The following FOCAD variants were observed in gnomAD, a reference collection of about 807,000 sequenced individuals.
FOCAD encodes focadhesin, also known as KIAA1797.
Under a neutral mutation model 225.6 loss-of-function variants are expected in FOCAD, and 198 were observed. The ratio of observed to expected loss-of-function variants is 0.88; its 90% CI spans 0.78 to 0.99. The LOEUF (loss-of-function observed/expected upper bound fraction) is 0.99. Among genes scored for constraint, FOCAD ranks in the 50% least tolerant of loss-of-function variants. The pLI is 0.00. For missense variants in FOCAD, 2,713 were observed against 2,123.6 expected, an observed-to-expected ratio of 1.28 and a Z score of -5.46; for synonymous variants, 897 against 755.0, an observed-to-expected ratio of 1.19 and a Z score of -3.08.
At position 20,978,339 on chromosome 9, in the gene FOCAD, G is replaced by A. The variant is rs1464809420; in HGVS notation, c.4262G>A (p.Gly1421Asp). ...ATTCTTTTCCTTTCTTGACTTTCAGGTGAAGAGATCCAGCAACTGTGCCTT... is the reference window on the plus strand; with the variant it reads ...ATTCTTTTCCTTTCTTGACTTTCAGATGAAGAGATCCAGCAACTGTGCCTT... The part of the protein sequence containing the change: ...LLSPLMRLNF[G>D]EEIQQLCLEI... The change falls in exon 37 of 44, where the codon GGT (glycine) becomes GAT (aspartate). Residue 1421 changes from glycine (G) to aspartate (D), a missense_variant and splice_region_variant. Coordinates refer to ENST00000338382, the MANE Select transcript of FOCAD (RefSeq NM_001375567.1). The A allele has an allele frequency of 6.3e-6, 10 of 1,592,330 alleles. No homozygotes were observed. Among genetic ancestry groups the A allele is most frequent in the Non-Finnish European group, 8.6e-6 (10 of 1,166,672 alleles).
At chr9:20,877,967 A>G (rs1830367527) in intron 19 of FOCAD, among the ~76,000 whole-genome samples, 1 of 152,202 alleles carries the variant, frequency 6.6e-6, no homozygotes, top group African/African-American at 2.4e-5. Context: ...AGTCACTCAA[A>G]GAATTGAGAT....
At chr9:20,718,923 T>G (rs1220845950) in intron 3 of FOCAD, among the ~76,000 whole-genome samples, 1 of 152,214 alleles carries the variant, frequency 6.6e-6, no homozygotes, top group East Asian at 1.9e-4. Flanking sequence ...TCAGTACAGC[T>G]GAACACAATG....
Position 20,672,800 on chromosome 9 carries a change from T to C in FOCAD, c.-78+13974T>C, listed in dbSNP as rs533771197. ...ACCAAAGAACCACAGGAAAAACTTA[T>C]GTTACTTAAAATATTATTGTTTAGC... On this transcript the variant is annotated intron_variant, in intron 2 of 45. Transcript: ENST00000380249. 1.3e-4 allele frequency among the ~76,000 whole-genome samples: 20 copies of C among 152,358 alleles called. No individual in the cohort carries two copies. In the South Asian group the frequency reaches 3.1e-3, roughly 24 times the overall value.
At chr9:20,769,331 T>C (rs1372909842) in intron 7 of FOCAD, among the ~76,000 whole-genome samples, 1 of 152,220 alleles carries the variant, frequency 6.6e-6, no homozygotes, top group African/African-American at 2.4e-5. Flanking sequence ...CATAGGCTCC[T>C]GATTGAAGCA....
chr9:20,718,656 A>T (rs1825535974), intron 3 of FOCAD, among the ~76,000 whole-genome samples: 1 of 152,174 alleles, frequency 6.6e-6, no homozygotes, highest in African/African-American at 2.4e-5. Flanking sequence ...TGGTGTTTGT[A>T]TGTAGTCATA....
Position 20,951,043 on chromosome 9 carries a change from G to T in FOCAD, c.3996G>T (p.Trp1332Cys). The change falls in exon 34 of 44, where the codon TGG becomes TGT. Residue 1332 changes from tryptophan to cysteine, a missense_variant. Physicochemically the swap from Trp to Cys is radical, Grantham distance 215 (BLOSUM62 -2). Transcript: ENST00000338382. ...GVIGLQSNAV[W>C]LLGHLHLSTL... Reference sequence around the variant, plus strand: ...TTGGTCTCCAGTCAAATGCAGTCTGGCTTCTTGGACATCTTCATCTATCTA... The same window carrying T: ...TTGGTCTCCAGTCAAATGCAGTCTGTCTTCTTGGACATCTTCATCTATCTA... The T allele has an allele frequency of 6.2e-7, 1 of 1,613,586 alleles. No homozygotes were observed. The highest frequency in any genetic ancestry group is 1.1e-5 in the South Asian group (1 of 91,046).
intron 21 of FOCAD, among the ~76,000 whole-genome samples, chr9:20,906,790 G>A (rs76917250): frequency 2.8e-4 from 42 of 152,106 alleles, no homozygotes; most frequent in African/African-American, 7.2e-4. Context: ...AAATTACTAC[G>A]GGGGTTTGTT....
chr9:20,946,872 A>G, intron 30 of FOCAD, 52 bp downstream of exon 30: 2 of 1,602,546 alleles, frequency 1.2e-6, no homozygotes, highest in South Asian at 1.1e-5. Flanking sequence ...TGCTGCTGCT[A>G]AGTTTTGCTT....
chr9:20,895,839 C>G (rs1168785010), intron 21 of FOCAD, among the ~76,000 whole-genome samples: 2 of 151,752 alleles, frequency 1.3e-5, no homozygotes, highest in Non-Finnish European at 2.9e-5. Flanking sequence ...TTCTTTCTTT[C>G]TTCCCTTCAG....
At chr9:20,790,480 A>G (rs1459326338) in intron 11 of FOCAD, among the ~76,000 whole-genome samples, 1 of 152,206 alleles carries the variant, frequency 6.6e-6, no homozygotes, top group African/African-American at 2.4e-5. Flanking sequence ...TTTATCTGAG[A>G]TATGAAGTTA....
At position 20,955,887 on chromosome 9, in the gene FOCAD, T is replaced by C. The variant is rs117935070; in HGVS notation, c.4132+2822T>C. On this transcript the variant is annotated intron_variant, in intron 35 of 43. Transcript: ENST00000338382. The stretch of plus-strand genomic sequence containing the variant: ...TATTTAAAGTACTTAATAAAAGTGA[T>C]TCTTTCTAATGCTAATATTAGATAT... Among the ~76,000 whole-genome samples the C allele has an allele frequency of 2.6e-3, 400 of 151,702 alleles. 1 individual carries two copies. Among genetic ancestry groups the C allele is most frequent in the Admixed American group, 4.9e-3 (74 of 15,238 alleles).
At chr9:20,969,725 G>T (rs1026944229) in intron 35 of FOCAD, among the ~76,000 whole-genome samples, 9 of 146,690 alleles carry the variant, frequency 6.1e-5, no homozygotes, top group South Asian at 2.1e-4. Context: ...TATATATATA[G>T]ATATATAACA....
chr9:20,670,994 C>A (rs921173547), intron 2 of FOCAD, among the ~76,000 whole-genome samples: 2 of 152,156 alleles, frequency 1.3e-5, no homozygotes, highest in African/African-American at 4.8e-5. Context: ...TAAATACTAA[C>A]TGTATAAGAG....
chr9:20,923,831 G>C, intron 25 of FOCAD, 63 bp downstream of exon 25: 1 of 1,269,396 alleles, frequency 7.9e-7, no homozygotes, highest in Non-Finnish European at 1.1e-6. Flanking sequence ...GCTTTAGGTA[G>C]CCTGGCCCTG....
intron 19 of FOCAD, among the ~76,000 whole-genome samples, chr9:20,878,082 A>C (rs1830377031): frequency 6.6e-6 from 1 of 152,152 alleles, no homozygotes; most frequent in Non-Finnish European, 1.5e-5. Context: ...CTTACACACA[A>C]AGTCAGTGTT....
Position 20,740,354 on chromosome 9 carries a change from C to G in FOCAD, c.392+14C>G. 1.4e-6 allele frequency: 2 copies of G among 1,387,116 alleles called. No individual in the cohort carries two copies. The highest frequency in any genetic ancestry group is 2.6e-5 in the South Asian group (2 of 76,372). The allele number at this position is 1,387,116 out of a possible 1,614,324, so 85.9% of individuals were successfully genotyped here. ...ATATACCATTAGGTAAGCCTTTTTT[C>G]TGTTTTTTTTTTAAACAAATATGAA... is the stretch of plus-strand genomic sequence containing the variant. On this transcript the variant is annotated intron_variant, in intron 5 of 43. Coordinates refer to ENST00000338382, the MANE Select transcript of FOCAD (RefSeq NM_001375567.1).
chr9:20,719,195 T>C lies in FOCAD; in HGVS notation c.133-1185T>C, dbSNP rs991548394. Among the ~76,000 whole-genome samples the C allele has an allele frequency of 4.6e-5, 7 of 152,156 alleles. No homozygotes were observed. The South Asian group carries it at 1.5e-3, about 32-fold the overall frequency. On this transcript the variant is annotated intron_variant, in intron 3 of 43. Coordinates refer to ENST00000338382, the MANE Select transcript of FOCAD (RefSeq NM_001375567.1). ...CTCCTGGGTTCAAGCAGTTCTCATA[T>C]CTCAGCCTCCCGAGTAGCTGGGACT...
chr9:20,799,143 G>A (rs1459696934), intron 11 of FOCAD, among the ~76,000 whole-genome samples: 1 of 152,204 alleles, frequency 6.6e-6, no homozygotes, highest in Admixed American at 6.5e-5. Flanking sequence ...CAGTTTCCAT[G>A]TAGTTGAGCG....
intron 21 of FOCAD, among the ~76,000 whole-genome samples, chr9:20,886,010 T>C (rs1831075588): frequency 6.6e-6 from 1 of 152,250 alleles, no homozygotes; most frequent in Admixed American, 6.5e-5. Context: ...AATATCTTTC[T>C]ATAACATCTT....
Sources: allele counts gnomAD v4.1 joint callset (sites outside exome capture counted in the v4.1 genomes callset), GRCh38; gene constraint gnomAD v4.1.1; transcripts MANE v1.5; gene names NCBI Gene and HGNC (gene_info 2026-07-23, HGNC 2026-07-21).